The following INPP4B variants were observed in gnomAD, a reference collection of about 807,000 sequenced individuals.
INPP4B encodes the protein inositol polyphosphate 4-phosphatase type II.
Under a neutral mutation model 122.5 loss-of-function variants are expected in INPP4B, and 55 were observed. The ratio of observed to expected loss-of-function variants is 0.45; its 90% confidence interval spans 0.36 to 0.56. INPP4B has a LOEUF of 0.56. INPP4B is among the 20% of genes least tolerant of loss of function. INPP4B has a pLI of 0.00. For missense variants in INPP4B, 1,000 were observed against 1,097.7 expected, an observed-to-expected ratio of 0.91 and a Z score of 1.26; for synonymous variants, 403 against 388.7, an observed-to-expected ratio of 1.04 and a Z score of -0.43.
At chr4:142,082,562 C>CA (rs1774499481) in intron 24 of INPP4B, among the ~76,000 whole-genome samples, 2 of 152,102 alleles carry the variant, frequency 1.3e-5, no homozygotes, top group East Asian at 1.9e-4. Context: ...AACAAACAAA[C>CA]AACCAACCAA....
intron 2 of INPP4B, among the ~76,000 whole-genome samples, chr4:142,522,088 T>A (rs1826155889): frequency 6.6e-6 from 1 of 152,146 alleles, no homozygotes; most frequent in Non-Finnish European, 1.5e-5. Context: ...AATATGCATA[T>A]ATGTAAAACA....
intron 14 of INPP4B, among the ~76,000 whole-genome samples, chr4:142,201,460 T>C (rs1452469699): frequency 6.6e-6 from 1 of 152,058 alleles, no homozygotes; most frequent in African/African-American, 2.4e-5. Flanking sequence ...GCTACCAATA[T>C]CTCAATGTGA....
intron 9 of INPP4B, among the ~76,000 whole-genome samples, chr4:142,296,508 CTAAAAA>C (rs2151045369): frequency 6.6e-6 from 1 of 152,272 alleles, no homozygotes; most frequent in African/African-American, 2.4e-5. Context: ...AGCTAATCAA[CTAAAAA>C]TAAAAATAAT....
intron 2 of INPP4B, among the ~76,000 whole-genome samples, chr4:142,505,847 T>A (rs904028923): frequency 1.2e-4 from 18 of 152,188 alleles, no homozygotes; most frequent in Non-Finnish European, 1.2e-4. Context: ...GTCTTTCATC[T>A]AATTTCAACA....
intron 2 of INPP4B, among the ~76,000 whole-genome samples, chr4:142,521,954 G>A (rs1193321748): frequency 2.6e-5 from 4 of 152,054 alleles, no homozygotes; most frequent in African/African-American, 9.7e-5. Context: ...TAAAAGCACA[G>A]AGTGGTGAAT....
chr4:142,352,573 C>A (rs188387785), intron 7 of INPP4B, among the ~76,000 whole-genome samples: 170 of 151,770 alleles, frequency 1.1e-3, no homozygotes, highest in African/African-American at 3.9e-3. Context: ...TTAACAAATT[C>A]ACTTGCTACT....
chr4:142,670,478 G>A (rs1045916446), intron 2 of INPP4B, among the ~76,000 whole-genome samples: 7 of 152,044 alleles, frequency 4.6e-5, no homozygotes, highest in African/African-American at 1.7e-4. Context: ...AAAAAAGAAG[G>A]AAGTCCTGTC....
At chr4:142,449,235 A>G (rs1442564604) in intron 3 of INPP4B, among the ~76,000 whole-genome samples, 3 of 152,176 alleles carry the variant, frequency 2.0e-5, no homozygotes, top group Non-Finnish European at 4.4e-5. Context: ...GCGAGGAAGC[A>G]ACACTGACAG....
intron 2 of INPP4B, among the ~76,000 whole-genome samples, chr4:142,704,961 A>G (rs531667225): frequency 6.6e-6 from 1 of 152,234 alleles, no homozygotes; most frequent in African/African-American, 2.4e-5. Context: ...CTAACCACTG[A>G]ATTTAATGCA....
chr4:142,636,470 G>A (rs1034990326), intron 2 of INPP4B, among the ~76,000 whole-genome samples: 3 of 152,042 alleles, frequency 2.0e-5, no homozygotes, highest in African/African-American at 7.2e-5. Context: ...CAATATCATT[G>A]AGTTGCAAAT....
At chr4:142,387,143 C>A (rs375208447) in intron 7 of INPP4B, among the ~76,000 whole-genome samples, 1 of 152,054 alleles carries the variant, frequency 6.6e-6, no homozygotes, top group African/African-American at 2.4e-5. Flanking sequence ...TTACATCCCA[C>A]TGGGTCAGAA....
intron 9 of INPP4B, among the ~76,000 whole-genome samples, chr4:142,297,873 G>C (rs1759472586): frequency 6.6e-6 from 1 of 152,150 alleles, no homozygotes; most frequent in Non-Finnish European, 1.5e-5. Context: ...AAGAATAAAG[G>C]GAAACGATAT....
At chr4:142,146,989 T>C (rs1811106782) in intron 17 of INPP4B, among the ~76,000 whole-genome samples, 1 of 152,198 alleles carries the variant, frequency 6.6e-6, no homozygotes. Flanking sequence ...CTATTTTGAA[T>C]ACAGATATCA....
intron 2 of INPP4B, among the ~76,000 whole-genome samples, chr4:142,563,018 G>C (rs894770263): frequency 2.6e-5 from 4 of 152,170 alleles, no homozygotes; most frequent in Non-Finnish European, 5.9e-5. Context: ...AAGAGGCCAA[G>C]GGACATGCCC....
intron 2 of INPP4B, among the ~76,000 whole-genome samples, chr4:142,616,289 G>C (rs561671643): frequency 1.3e-5 from 2 of 152,064 alleles, no homozygotes; most frequent in African/African-American, 4.8e-5. Context: ...CCTAGAGAGG[G>C]AGTCTTAAAA....
At chr4:142,693,970 C>A (rs1374556541) in intron 2 of INPP4B, among the ~76,000 whole-genome samples, 5 of 152,152 alleles carry the variant, frequency 3.3e-5, no homozygotes, top group African/African-American at 1.2e-4. Context: ...TACTTAATTA[C>A]ACTGGTAATA....
chr4:142,361,770 T>A (rs1785489317), intron 7 of INPP4B, among the ~76,000 whole-genome samples: 1 of 151,970 alleles, frequency 6.6e-6, no homozygotes, highest in Admixed American at 6.6e-5. Context: ...TATAGGTGGA[T>A]ATTGTCACCT....
intron 3 of INPP4B, among the ~76,000 whole-genome samples, chr4:142,447,083 CAT>C (rs1185088744): frequency 6.6e-6 from 1 of 152,080 alleles, no homozygotes; most frequent in Non-Finnish European, 1.5e-5. Flanking sequence ...GAGGCAGAGT[CAT>C]GTGTTGAGAG....
chr4:142,574,669 T>C (rs137946085), intron 2 of INPP4B, among the ~76,000 whole-genome samples: 14 of 152,242 alleles, frequency 9.2e-5, no homozygotes, highest in East Asian at 7.8e-4. Context: ...CACAAATATC[T>C]TCTCCTCAAT....
Sources: gnomAD v4.1 joint callset for allele counts (sites outside exome capture counted in the v4.1 genomes callset) on GRCh38, gnomAD v4.1.1 for gene constraint, MANE v1.5 for transcripts, NCBI Gene and HGNC (gene_info 2026-07-23, HGNC 2026-07-21) for gene names.